TMEM131: variants seen among roughly 807,000 people sequenced by gnomAD.
TMEM131 encodes the protein 2610524E03Rik.
In TMEM131, 66 loss-of-function variants were observed where a neutral mutation model predicts 211.6. The observed-to-expected ratio is 0.31, with a 90% confidence interval of 0.26 to 0.38. The LOEUF is 0.38. Ranked by LOEUF, TMEM131 falls within the 10% of genes least tolerant of loss-of-function variation. TMEM131 has a pLI of 1.00. For missense variants in TMEM131, 2,036 were observed against 2,299.3 expected (o/e 0.89, Z 2.34); for synonymous variants, 844 against 841.3 (o/e 1.00, Z -0.06).
At chr2:97,995,380 C>A in intron 1 of TMEM131, 96 bp downstream of exon 1, 3 of 1,210,118 alleles carry the variant, frequency 2.5e-6, no homozygotes, top group South Asian at 2.8e-5. Flanking sequence ...TGCGCCGGAG[C>A]CCCGGCCGCG....
At chr2:97,942,721 C>T (rs1444648826) in intron 1 of TMEM131, among the ~76,000 whole-genome samples, 2 of 151,858 alleles carry the variant, frequency 1.3e-5, no homozygotes, top group Non-Finnish European at 2.9e-5. Flanking sequence ...TCAAAGTTTC[C>T]CCGCAAAGAA....
chr2:97,910,149 G>C lies in TMEM131; in HGVS notation c.250-1451C>G, dbSNP rs192168611. 4.6e-4 allele frequency among the ~76,000 whole-genome samples: 70 copies of C among 152,186 alleles called. No homozygotes were observed. The East Asian group carries it at 0.01, about 22-fold the overall frequency. ...ATGCTCAACATCACTAACCATTAGG[G>C]AAATGCAAATCAAAACCACAATGAT... On this transcript the variant is annotated intron_variant, in intron 2 of 40. Coordinates refer to ENST00000186436, the MANE Select transcript of TMEM131 (RefSeq NM_015348.2).
At chr2:97,805,901 C>A (rs1207872021) in intron 19 of TMEM131, among the ~76,000 whole-genome samples, 198 bp from the exon 20 acceptor site, 2 of 152,168 alleles carry the variant, frequency 1.3e-5, no homozygotes, top group African/African-American at 2.4e-5. Flanking sequence ...CTTGCTGTGG[C>A]ATGTTACAGA....
chr2:97,926,794 G>C (rs1246924235), intron 2 of TMEM131, among the ~76,000 whole-genome samples: 1 of 152,182 alleles, frequency 6.6e-6, no homozygotes, highest in Non-Finnish European at 1.5e-5. Flanking sequence ...AGAATTTTTA[G>C]AATGGATTAT....
chr2:97,758,779 C>T, intron 40 of TMEM131, 114 bp downstream of exon 40: 1 of 1,382,350 alleles, frequency 7.2e-7, no homozygotes. Flanking sequence ...ACCCACCCCT[C>T]TGATGCTGCT....
At chr2:97,945,387 C>A (rs757252145) in intron 1 of TMEM131, among the ~76,000 whole-genome samples, 2 of 152,058 alleles carry the variant, frequency 1.3e-5, no homozygotes, top group Non-Finnish European at 2.9e-5. Context: ...GATGGTTGTA[C>A]AAGTCTATGA....
intron 1 of TMEM131, among the ~76,000 whole-genome samples, chr2:97,957,833 CA>C (rs946211856): frequency 1.7e-4 from 24 of 144,288 alleles, no homozygotes; most frequent in East Asian, 2.0e-4. Context: ...TTGATTATTC[CA>C]AAAAAAAAAA....
Position 97,802,503 on chromosome 2 carries a change from A to G in TMEM131, c.2576T>C (p.Val859Ala). The change falls in exon 24 of 41, where the codon GTT becomes GCT. Residue 859 changes from valine (V) to alanine (A), a missense_variant. By Grantham distance (64) the Val-to-Ala change is moderately conservative (BLOSUM62 0). Around this residue, in one of 3 missense-constraint regions of TMEM131, gnomAD observed 1,623 missense variants for 1,805.9 expected, o/e 0.90. Transcript: ENST00000186436. ...AGGAATAAACTGAACATAGACAGGA[A>G]CATCTGCAGGATTTTCTAAAGTAAT... ...EEITLENPAD[V>A]PVYVQFIPLA... 3 of 1,612,330 alleles carry G rather than the reference A, an allele frequency of 1.9e-6. No individual in the cohort carries two copies. The highest frequency in any genetic ancestry group is 2.5e-6 in the Non-Finnish European group (3 of 1,179,382).
chr2:97,792,101 A>G (rs1356596473), intron 31 of TMEM131, among the ~76,000 whole-genome samples: 3 of 152,264 alleles, frequency 2.0e-5, no homozygotes, highest in Non-Finnish European at 4.4e-5. Flanking sequence ...AACAAAAGCT[A>G]AATCTATCAC....
chr2:97,873,825 T>TCA (rs1262671286), intron 4 of TMEM131, among the ~76,000 whole-genome samples: 2 of 152,128 alleles, frequency 1.3e-5, no homozygotes, highest in Non-Finnish European at 2.9e-5. Context: ...CCTCCAAAGA[T>TCA]CACAACTCCT....
intron 4 of TMEM131, among the ~76,000 whole-genome samples, chr2:97,861,734 T>C (rs1573473268): frequency 1.3e-5 from 2 of 152,030 alleles, no homozygotes; most frequent in African/African-American, 4.8e-5. Flanking sequence ...TCTAAGGTGT[T>C]TGACTCCAGT....
chr2:97,805,883 T>G (rs1384230892), intron 19 of TMEM131, among the ~76,000 whole-genome samples, 180 bp from the exon 20 acceptor site: 1 of 152,126 alleles, frequency 6.6e-6, no homozygotes, highest in Non-Finnish European at 1.5e-5. Flanking sequence ...ACCAAAAAAC[T>G]TTTTTTTCTT....
chr2:97,759,718 T>C lies in TMEM131; in HGVS notation c.5140A>G (p.Ser1714Gly), dbSNP rs1476548025. ...SGLWSPVSNP[S>G]SPDFTPLNSF... is the part of the protein sequence containing the mutation. ...TTGAGGGGAGTGAAGTCAGGGCTGCTTGGGTTGCTGACGGGACTCCACAAA... is the reference window on the plus strand; with the variant it reads ...TTGAGGGGAGTGAAGTCAGGGCTGCCTGGGTTGCTGACGGGACTCCACAAA... Residue 1714 changes from serine (S) to glycine (G), a missense_variant, in exon 39 of 41, where the codon AGC (serine) becomes GGC (glycine). Ser to Gly is a moderately conservative substitution (Grantham distance 56, BLOSUM62 0). Transcript: ENST00000186436. 1.2e-6 allele frequency: 2 copies of C among 1,613,650 alleles called. No individual in the cohort carries two copies. Among genetic ancestry groups the C allele is most frequent in the Non-Finnish European group, 8.5e-7 (1 of 1,179,758 alleles).
chr2:97,989,773 C>G (rs1680182908), intron 1 of TMEM131, among the ~76,000 whole-genome samples: 1 of 152,146 alleles, frequency 6.6e-6, no homozygotes. Flanking sequence ...AGGCAAATGG[C>G]AAAGGCTTTC....
At position 97,759,751 on chromosome 2, in the gene TMEM131, T is replaced by TA; in HGVS notation, c.5109-3dup. On this transcript the variant is annotated splice_polypyrimidine_tract_variant and splice_region_variant and intron_variant, in intron 38 of 40. Coordinates refer to ENST00000186436, the MANE Select transcript of TMEM131 (RefSeq NM_015348.2). ...CTGACGGGACTCCACAAACCCGAGC[T>TA]AAATGTTACAAGAGGAAAACGCAAC... 4.3e-6 allele frequency: 7 copies of TA among 1,610,608 alleles called. No homozygotes were observed. Among genetic ancestry groups the TA allele is most frequent in the Non-Finnish European group, 5.9e-6 (7 of 1,178,168 alleles).
At chr2:97,786,590 C>T (rs764734576) in intron 31 of TMEM131, among the ~76,000 whole-genome samples, 5 of 152,252 alleles carry the variant, frequency 3.3e-5, no homozygotes, top group South Asian at 2.1e-4. Context: ...CTGTGGGGTA[C>T]CTTGGGGCTA....
rs369535750 is a variant in TMEM131 at position 97,757,238 on chromosome 2, G to A, written c.5513C>T (p.Pro1838Leu). The change falls in exon 41 of 41, where the codon CCT becomes CTT. Residue 1838 changes from proline to leucine, a missense_variant. Pro to Leu is a moderately conservative substitution (Grantham distance 98). Coordinates refer to ENST00000186436, the MANE Select transcript of TMEM131 (RefSeq NM_015348.2). ...SIGLMGTENS[P>L]APHAPSTSSP... ...GGAGGTGGAGGGAGCGTGAGGAGCA[G>A]GGGAGTTTTCTGTGCCCATGAGGCC... 1 of 1,613,892 alleles carries A rather than the reference G, an allele frequency of 6.2e-7. No individual in the cohort carries two copies. Among genetic ancestry groups the A allele is most frequent in the Non-Finnish European group, 8.5e-7 (1 of 1,179,892 alleles).
intron 3 of TMEM131, among the ~76,000 whole-genome samples, chr2:97,895,813 A>AAAAC (rs1203281160): frequency 6.6e-6 from 1 of 152,064 alleles, no homozygotes; most frequent in African/African-American, 2.4e-5. Context: ...TTTCAAAAAC[A>AAAAC]CAGCTCCTGG....
intron 33 of TMEM131, among the ~76,000 whole-genome samples, chr2:97,770,581 C>T (rs992420183): frequency 1.3e-5 from 2 of 152,160 alleles, no homozygotes; most frequent in East Asian, 1.9e-4. Flanking sequence ...GACACTCAAG[C>T]GACGTCTTTG....
Sources: allele counts gnomAD v4.1 joint callset (sites outside exome capture counted in the v4.1 genomes callset), GRCh38; gene constraint gnomAD v4.1.1; regional missense constraint gnomAD v4.1.1; transcripts MANE v1.5; gene names NCBI Gene and HGNC (gene_info 2026-07-23, HGNC 2026-07-21).